PPP1R12B: variants seen among roughly 807,000 people sequenced by gnomAD.
The protein encoded by PPP1R12B is myosin phosphatase target subunit 2.
In PPP1R12B, 76 loss-of-function variants were observed where a neutral mutation model predicts 126.1. That is an observed-to-expected ratio of 0.60 (90% CI 0.50 to 0.73). The LOEUF (loss-of-function observed/expected upper bound fraction) is 0.73, where lower values mean the gene tolerates loss of function less well. PPP1R12B is among the 30% of genes least tolerant of loss of function. The pLI is 0.00. For synonymous variants in PPP1R12B, 356 were observed against 434.7 expected, an observed-to-expected ratio of 0.82 and a Z score of 2.25; for missense variants, 1,052 against 1,205.1, an observed-to-expected ratio of 0.87 and a Z score of 1.88.
rs572887644 is a variant in PPP1R12B at position 202,475,732 on chromosome 1, G to A, written c.1851-12801G>A. Reference sequence around the variant, plus strand: ...CTGAAGTCTTAGAATTAGATCAAATGACATCTTGAATTCATAAAGTCTGTA... The same window carrying A: ...CTGAAGTCTTAGAATTAGATCAAATAACATCTTGAATTCATAAAGTCTGTA... On this transcript the variant is annotated intron_variant, in intron 13 of 23. Coordinates refer to ENST00000608999, the MANE Select transcript of PPP1R12B (RefSeq NM_002481.4). 2.3e-3 allele frequency among the ~76,000 whole-genome samples: 345 copies of A among 152,202 alleles called. 1 individual carries two copies. Among genetic ancestry groups the A allele is most frequent in the African/African-American group, 8.0e-3 (331 of 41,524 alleles).
At chr1:202,377,832 G>GTTTTTTTTTTTTTT (rs74860606) in intron 1 of PPP1R12B, among the ~76,000 whole-genome samples, 2 of 97,306 alleles carry the variant, frequency 2.1e-5, no homozygotes, top group African/African-American at 9.9e-5. Flanking sequence ...AAAGACAGGT[G>GTTTTTTTTTTTTTT]TTTTTTTTTT....
rs1030270037 is a variant in PPP1R12B, at chr1:202,434,598, G to A, written c.1142-58G>A. Reference sequence around the variant, plus strand: ...TTTTCTATTAGCAGAAAAGGACATAGACACAAAGATAAGATTTTTATACTA... The same window carrying A: ...TTTTCTATTAGCAGAAAAGGACATAAACACAAAGATAAGATTTTTATACTA... On this transcript the variant is annotated intron_variant, in intron 8 of 23. Coordinates refer to ENST00000608999, the MANE Select transcript of PPP1R12B (RefSeq NM_002481.4). The A allele has an allele frequency of 1.8e-5, 28 of 1,569,600 alleles. No homozygotes were observed. The African/African-American group carries it at 3.7e-4, about 21-fold the overall frequency.
At chr1:202,483,278 CTT>C (rs71281161) in intron 13 of PPP1R12B, among the ~76,000 whole-genome samples, 8 of 118,478 alleles carry the variant, frequency 6.8e-5, no homozygotes, top group Non-Finnish European at 1.0e-4. Flanking sequence ...TGAAGAACAC[CTT>C]TTTTTTTTTT....
At chr1:202,389,325 A>T (rs1195041226) in intron 1 of PPP1R12B, among the ~76,000 whole-genome samples, 1 of 152,224 alleles carries the variant, frequency 6.6e-6, no homozygotes, top group African/African-American at 2.4e-5. Context: ...TATCCAGAGT[A>T]ATGAACTCTT....
At chr1:202,537,137 A>G (rs1487716156) in intron 18 of PPP1R12B, among the ~76,000 whole-genome samples, 3 of 152,192 alleles carry the variant, frequency 2.0e-5, no homozygotes, top group Non-Finnish European at 4.4e-5. Context: ...TCACAAGGTC[A>G]GGAGATCGAG....
At chr1:202,445,215 G>A (rs200423404) in intron 12 of PPP1R12B, 420 of 1,246,480 alleles carry the variant, frequency 3.4e-4, no homozygotes, top group Middle Eastern at 6.2e-4. Flanking sequence ...TACTGCATCT[G>A]TACATCATGG....
At chr1:202,489,112 T>C (rs1247431385) in intron 14 of PPP1R12B, among the ~76,000 whole-genome samples, 1 of 152,200 alleles carries the variant, frequency 6.6e-6, no homozygotes, top group African/African-American at 2.4e-5. Flanking sequence ...AAGCTTTCAT[T>C]GTGTTGAATC....
At chr1:202,505,851 C>T (rs1444276386) in intron 18 of PPP1R12B, among the ~76,000 whole-genome samples, 1 of 151,814 alleles carries the variant, frequency 6.6e-6, no homozygotes, top group East Asian at 1.9e-4. Context: ...CCTGTTTAGG[C>T]AGATTTTTTT....
chr1:202,395,617 C>T (rs1238314669), intron 1 of PPP1R12B, among the ~76,000 whole-genome samples: 1 of 152,186 alleles, frequency 6.6e-6, no homozygotes, highest in East Asian at 1.9e-4. Flanking sequence ...ATGCATCTGG[C>T]TTTTTGGCCA....
chr1:202,456,085 A>G (rs1257503082), intron 13 of PPP1R12B, among the ~76,000 whole-genome samples: 3 of 152,052 alleles, frequency 2.0e-5, no homozygotes, highest in Non-Finnish European at 4.4e-5. Context: ...CCTGGCCAAC[A>G]CAGTGAAATC....
chr1:202,558,810 T>G, intron 18 of PPP1R12B, 67 bp from the exon 19 acceptor site: 1 of 1,023,956 alleles, frequency 9.8e-7, no homozygotes, highest in Middle Eastern at 2.2e-4. Context: ...TACAAATCAG[T>G]CTCTTGCTAA....
At chr1:202,443,190 A>G (rs1671844944) in intron 12 of PPP1R12B, 8 of 884,076 alleles carry the variant, frequency 9.0e-6, no homozygotes, top group African/African-American at 1.8e-5. Context: ...TCTTTGCCAC[A>G]TACTAGCCAG....
intron 1 of PPP1R12B, among the ~76,000 whole-genome samples, chr1:202,381,941 A>G (rs1345179972): frequency 6.6e-6 from 1 of 152,216 alleles, no homozygotes; most frequent in Non-Finnish European, 1.5e-5. Context: ...CCAAAGGATT[A>G]TAAATCATGC....
intron 13 of PPP1R12B, among the ~76,000 whole-genome samples, chr1:202,457,352 C>T (rs1673763759): frequency 6.6e-6 from 1 of 151,890 alleles, no homozygotes; most frequent in Non-Finnish European, 1.5e-5. Context: ...GAGTTCAAGA[C>T]CAGCCTGACC....
chr1:202,495,621 G>T lies in PPP1R12B; in HGVS notation c.2387G>T (p.Arg796Leu), dbSNP rs3817221. The T allele has an allele frequency of 6.2e-7, 1 of 1,614,152 alleles. No homozygotes were observed. Among genetic ancestry groups the T allele is most frequent in the Non-Finnish European group, 8.5e-7 (1 of 1,180,012 alleles). ...DEQSSKRLSI[R>L]ERRRPKERRR... ...CAGTCCTCTAAGAGGCTGTCCATCC[G>T]AGAGAGGAGGCGGCCCAAGGAACGA... The change falls in exon 17 of 24, where the codon CGA becomes CTA. Residue 796 changes from arginine (R) to leucine (L), a missense_variant. By Grantham distance (102) the Arg-to-Leu change is moderately radical. Coordinates refer to ENST00000608999, the MANE Select transcript of PPP1R12B (RefSeq NM_002481.4).
At chr1:202,458,138 A>G (rs1255219325) in intron 13 of PPP1R12B, among the ~76,000 whole-genome samples, 1 of 150,264 alleles carries the variant, frequency 6.7e-6, no homozygotes, top group African/African-American at 2.5e-5. Context: ...TTTCAAAGAA[A>G]CCCAAGACTG....
In PPP1R12B at chr1:202,555,483, A is replaced by T. The variant is rs1442627724; in HGVS notation, c.2491-3394A>T. Among the ~76,000 whole-genome samples, 6 of 150,698 alleles carry T rather than the reference A, an allele frequency of 4.0e-5. No homozygotes were observed. The East Asian group carries it at 9.7e-4, about 24-fold the overall frequency. ...GAAACTAAAAAAAAAAAAAAAAAAA[A>T]TTCAAGTGAGGTTTCACATTTCAAG... On this transcript the variant is annotated intron_variant, in intron 18 of 23. Transcript: ENST00000608999.
chr1:202,430,137 G>C (rs1472570855), intron 6 of PPP1R12B, among the ~76,000 whole-genome samples: 4 of 152,110 alleles, frequency 2.6e-5, no homozygotes, highest in Non-Finnish European at 5.9e-5. Flanking sequence ...AGACTCACAT[G>C]GAAGTTGCAA....
In PPP1R12B at chr1:202,562,883, C is replaced by G. The variant is rs368906536; in HGVS notation, c.2613C>G (p.Thr871=). 1 of 1,606,134 alleles carries G rather than the reference C, an allele frequency of 6.2e-7. No homozygotes were observed. The highest frequency in any genetic ancestry group is 8.5e-7 in the Non-Finnish European group (1 of 1,177,838). The change falls in exon 20 of 24, where the codon ACC becomes ACG. Residue 871 remains threonine, a synonymous_variant. Coordinates refer to ENST00000608999, the MANE Select transcript of PPP1R12B (RefSeq NM_002481.4). ...EAREARLATL[T]SRVEEDSNRD... ...GGGAGGCCCGCCTAGCCACCCTGACCAGCCGTGTAGAAGAAGACAGCAACA... is the reference window on the plus strand; with the variant it reads ...GGGAGGCCCGCCTAGCCACCCTGACGAGCCGTGTAGAAGAAGACAGCAACA...
Sources: allele counts gnomAD v4.1 joint callset (sites outside exome capture counted in the v4.1 genomes callset), GRCh38; gene constraint gnomAD v4.1.1; transcripts MANE v1.5; gene names NCBI Gene and HGNC (gene_info 2026-07-23, HGNC 2026-07-21).